The following UMOD variants were observed in gnomAD, a reference collection of about 807,000 sequenced individuals.
UMOD encodes Tamm-Horsfall urinary glycoprotein.
Under a neutral mutation model 66.0 loss-of-function variants are expected in UMOD, and 64 were observed. The observed-to-expected ratio is 0.97, with a 90% CI of 0.79 to 1.19. UMOD has a LOEUF of 1.19. Ranked by LOEUF, UMOD falls within the 50% of genes most tolerant of loss-of-function variation. UMOD has a pLI of 0.00. For missense variants in UMOD, 764 were observed against 850.9 expected (o/e 0.90, Z 1.27); for synonymous variants, 398 against 352.7 (o/e 1.13, Z -1.44).
At chr16:20,352,827 T>C (rs1437586643), upstream of UMOD, 1 of 973,660 alleles carries the variant, frequency 1.0e-6, no homozygotes, top group Non-Finnish European at 1.3e-6. Flanking sequence ...GGGTGGAATA[T>C]TTTTTCCTCC....
At chr16:20,348,084 A>T (rs112166439) in intron 4 of UMOD, 139 bp downstream of exon 4, 5 of 805,470 alleles carry the variant, frequency 6.2e-6, no homozygotes, top group African/African-American at 1.7e-5. Flanking sequence ...GTATTAGTGG[A>T]TCTTCTGTTT....
chr16:20,337,314 T>C lies in UMOD; in HGVS notation c.1717A>G (p.Thr573Ala), dbSNP rs762499909. 2.5e-6 allele frequency: 4 copies of C among 1,614,082 alleles called. No individual in the cohort carries two copies. Among genetic ancestry groups the C allele is most frequent in the Non-Finnish European group, 3.4e-6 (4 of 1,180,046 alleles). The stretch of plus-strand genomic sequence containing the variant: ...ACAGGCTTGCACTTTTCATTCATGG[T>C]GTCACAGAGATAGACTTCACAGTGC... The part of the protein sequence containing the change: ...YLHCEVYLCD[T>A]MNEKCKPTCS... Residue 573 changes from threonine to alanine, a missense_variant, in exon 8 of 11, where the codon ACC (threonine) becomes GCC (alanine). Thr to Ala is a moderately conservative substitution (Grantham distance 58). Transcript: ENST00000396138.
chr16:20,341,061 T>C (rs748416204), intron 7 of UMOD, 30 bp downstream of exon 7: 43 of 1,607,464 alleles, frequency 2.7e-5, no homozygotes, highest in Non-Finnish European at 3.4e-5. Context: ...ATTCTACCCA[T>C]GAGTTCCCAT....
chr16:20,350,762 A>G lies in UMOD; in HGVS notation c.-25T>C. ...TCCTTTCTGCTCTTCCCGCTACTTC[A>G]GGTCTAGATAGCACCTGCCCAAAGG... On this transcript the variant is annotated 5_prime_UTR_variant, in exon 2 of 11. Coordinates refer to ENST00000396138, the MANE Select transcript of UMOD (RefSeq NM_003361.4). 1.9e-6 allele frequency: 3 copies of G among 1,613,976 alleles called. No homozygotes were observed. Among genetic ancestry groups the G allele is most frequent in the Non-Finnish European group, 1.7e-6 (2 of 1,179,946 alleles).
chr16:20,336,946 C>T (rs1964910750), intron 8 of UMOD, among the ~76,000 whole-genome samples: 1 of 152,188 alleles, frequency 6.6e-6, no homozygotes, highest in Non-Finnish European at 1.5e-5. Context: ...GAGCCCCTCT[C>T]CTCATGAGGA....
At chr16:20,335,145 G>T (rs1964802667) in intron 10 of UMOD, among the ~76,000 whole-genome samples, 1 of 152,130 alleles carries the variant, frequency 6.6e-6, no homozygotes, top group South Asian at 2.1e-4. Context: ...CCTATTGAAT[G>T]AATCTAGAAA....
chr16:20,348,103 G>T, intron 4 of UMOD, 120 bp downstream of exon 4: 1 of 905,202 alleles, frequency 1.1e-6, no homozygotes, highest in South Asian at 1.3e-5. Flanking sequence ...TTTCACTCAG[G>T]TTGGATATAT....
intron 7 of UMOD, among the ~76,000 whole-genome samples, chr16:20,338,033 C>CA (rs990706439): frequency 4.1e-4 from 62 of 152,042 alleles, no homozygotes; most frequent in African/African-American, 1.5e-3. Flanking sequence ...GCAAACTGGG[C>CA]ACCCCCTCTG....
In UMOD at chr16:20,344,196, G is replaced by T. The variant is rs543552144; in HGVS notation, c.1183-24C>A. 6.8e-6 allele frequency: 10 copies of T among 1,463,186 alleles called. No homozygotes were observed. The African/African-American group carries it at 7.0e-5, about 10-fold the overall frequency. The allele number at this position is 1,463,186 out of a possible 1,614,324, so 90.6% of individuals were successfully genotyped here. On this transcript the variant is annotated intron_variant, in intron 5 of 10. Transcript: ENST00000396138. ...CTCTGTTGCAGGGAATGGGGGTGGA[G>T]GGGGGGTGGGGATGAGAGAAAGGGG...
Position 20,349,082 on chromosome 16 carries a change from T to C in UMOD, c.219A>G (p.Gly73=). Residue 73 remains glycine, a synonymous_variant, in exon 3 of 11, where the codon GGA becomes GGG. Transcript: ENST00000396138. ...TGCTGTTGGCGGAGCAGTTGTGAGC[T>C]CCAGGAATGGCGCACTCATCCAGGT... ...CVDLDECAIP[G]AHNCSANSSC... 1 of 1,612,740 alleles carries C rather than the reference T, an allele frequency of 6.2e-7. No individual in the cohort carries two copies. Among genetic ancestry groups the C allele is most frequent in the Non-Finnish European group, 8.5e-7 (1 of 1,179,456 alleles).
chr16:20,349,734 T>C (rs1294493177), intron 2 of UMOD: 20 of 1,537,312 alleles, frequency 1.3e-5, no homozygotes, highest in Non-Finnish European at 1.7e-5. Context: ...GTGAACCTGT[T>C]GCCCCTCCCT....
intron 4 of UMOD, among the ~76,000 whole-genome samples, chr16:20,347,336 C>G (rs1965645082): frequency 1.3e-5 from 2 of 152,192 alleles, no homozygotes; most frequent in Non-Finnish European, 2.9e-5. Context: ...TAACTTCCCT[C>G]TCAAACAGAG....
At position 20,349,135 on chromosome 16, in the gene UMOD, A is replaced by G; in HGVS notation, c.166T>C (p.Phe56Leu). Residue 56 changes from phenylalanine to leucine, a missense_variant, in exon 3 of 11, where the codon TTC becomes CTC. Physicochemically the swap from Phe to Leu is conservative, Grantham distance 22 (BLOSUM62 0). Coordinates refer to ENST00000396138, the MANE Select transcript of UMOD (RefSeq NM_003361.4). ...AVTTCTCQEG[F>L]TGDGLTCVDL... Reference sequence around the variant, plus strand: ...ACGCAGGTCAGGCCATCGCCGGTGAAGCCCTCCTGACAGGTGCACGTCGTA... The same window carrying G: ...ACGCAGGTCAGGCCATCGCCGGTGAGGCCCTCCTGACAGGTGCACGTCGTA... 1 of 1,614,096 alleles carries G rather than the reference A, an allele frequency of 6.2e-7. No individual in the cohort carries two copies. Among genetic ancestry groups the G allele is most frequent in the Middle Eastern group, 1.6e-4 (1 of 6,062 alleles).
At chr16:20,335,437 G>C in intron 10 of UMOD, 45 bp downstream of exon 10, 1 of 1,598,824 alleles carries the variant, frequency 6.3e-7, no homozygotes, top group East Asian at 2.2e-5. Context: ...AGCCCCCCAG[G>C]AGAGTTCTGG....
At position 20,341,261 on chromosome 16, in the gene UMOD, C is replaced by T. The variant is rs764251559; in HGVS notation, c.1407G>A (p.Thr469=). ...RMALFQTPSY[T]QPYQGSSVTL... is the part of the protein sequence containing the mutation. ...TCACGGAGGAGCCTTGGTAGGGCTG[C>T]GTGTAGGAAGGGGTCTGGAAGAGCG... Residue 469 remains threonine (T), a synonymous_variant, in exon 7 of 11, where the codon ACG becomes ACA. Coordinates refer to ENST00000396138, the MANE Select transcript of UMOD (RefSeq NM_003361.4). 15 of 1,613,868 alleles carry T rather than the reference C, an allele frequency of 9.3e-6. No homozygotes were observed. Among genetic ancestry groups the T allele is most frequent in the Admixed American group, 1.7e-5 (1 of 59,982 alleles).
At chr16:20,345,179 A>C (rs1392330942) in intron 5 of UMOD, among the ~76,000 whole-genome samples, 1 of 151,862 alleles carries the variant, frequency 6.6e-6, no homozygotes, top group South Asian at 2.1e-4. Flanking sequence ...AGGTCCAGCA[A>C]ATTTTTGTAT....
At position 20,349,176 on chromosome 16, in the gene UMOD, G is replaced by T. The variant is rs773293322; in HGVS notation, c.125C>A (p.Thr42Lys). 2.5e-6 allele frequency: 4 copies of T among 1,613,840 alleles called. No individual in the cohort carries two copies. The highest frequency in any genetic ancestry group is 1.3e-5 in the African/African-American group (1 of 74,942). ...GCACGTCGTAACGGCCTCATCCTCC[G>T]TGCAGGTGGCATTGCTGTGACATTC... ...CSECHSNATC[T>K]EDEAVTTCTC... Residue 42 changes from threonine (T) to lysine (K), a missense_variant, in exon 3 of 11, where the codon ACG becomes AAG. Coordinates refer to ENST00000396138, the MANE Select transcript of UMOD (RefSeq NM_003361.4).
chr16:20,339,610 T>G (rs549728567), intron 7 of UMOD, among the ~76,000 whole-genome samples: 2 of 152,354 alleles, frequency 1.3e-5, no homozygotes, highest in African/African-American at 4.8e-5. Context: ...AATATTCCCT[T>G]GGTGTAACCA....
Position 20,341,108 on chromosome 16 carries a change from G to C in UMOD, c.1560C>G (p.Tyr520Ter), listed in dbSNP as rs202057954. 6.2e-7 allele frequency: 1 copy of C among 1,613,920 alleles called. No homozygotes were observed. Among genetic ancestry groups the C allele is most frequent in the African/African-American group, 1.3e-5 (1 of 75,012 alleles). ...TGCCTTACCTGTCCTGGATGATGAA[G>C]TACTTCAGGGGGTCCGTGGCATTGC... ...PSSNATDPLK[Y>*]FIIQDRCPHT... The change falls in exon 7 of 11, where the codon TAC becomes TAG. Residue 520 changes from tyrosine to a stop codon, truncating the protein, a stop_gained. Transcript: ENST00000396138. LOFTEE classifies it high-confidence loss of function.
Sources: gnomAD v4.1 joint callset for allele counts (sites outside exome capture counted in the v4.1 genomes callset) on GRCh38, gnomAD v4.1.1 for gene constraint, MANE v1.5 for transcripts, NCBI Gene and HGNC (gene_info 2026-07-23, HGNC 2026-07-21) for gene names.